SRGAP1: variants seen among roughly 807,000 people sequenced by gnomAD.
SRGAP1 encodes the protein SLIT-ROBO Rho GTPase activating protein 1.
Under a neutral mutation model 121.9 loss-of-function variants are expected in SRGAP1, and 43 were observed. The observed-to-expected ratio is 0.35, with a 90% confidence interval of 0.28 to 0.46. The LOEUF (loss-of-function observed/expected upper bound fraction) is 0.46, where lower values mean the gene tolerates loss of function less well. Among genes scored for constraint, SRGAP1 ranks in the 20% least tolerant of loss-of-function variants. The probability of loss-of-function intolerance (pLI) is 1.00; values close to 1 mark genes in which losing one functional copy is unlikely to be tolerated. For synonymous variants in SRGAP1, 447 were observed against 485.4 expected (o/e 0.92, Z 1.04); for missense variants, 1,102 against 1,350.9 (o/e 0.82, Z 2.89).
intron 4 of SRGAP1, among the ~76,000 whole-genome samples, chr12:64,019,573 A>G (rs2034494953): frequency 6.6e-6 from 1 of 152,166 alleles, no homozygotes; most frequent in South Asian, 2.1e-4. Flanking sequence ...GCACACACAC[A>G]CACACCCTCT....
intron 1 of SRGAP1, among the ~76,000 whole-genome samples, chr12:63,845,266 A>G (rs1157373474): frequency 6.6e-6 from 1 of 152,094 alleles, no homozygotes; most frequent in Admixed American, 6.6e-5. Context: ...TCACTACGTA[A>G]TTTTTTTACG....
chr12:63,929,442 T>C (rs1027700913), intron 1 of SRGAP1, among the ~76,000 whole-genome samples: 3 of 152,232 alleles, frequency 2.0e-5, no homozygotes, highest in East Asian at 1.9e-4. Context: ...AGTGCTCCTC[T>C]TTCTAGCTGC....
At chr12:63,896,502 A>G (rs1900758959) in intron 1 of SRGAP1, among the ~76,000 whole-genome samples, 1 of 152,176 alleles carries the variant, frequency 6.6e-6, no homozygotes, top group Non-Finnish European at 1.5e-5. Context: ...CAGGCAGGTA[A>G]TACACAGGCA....
At chr12:63,953,892 T>A (rs1212309866) in intron 1 of SRGAP1, among the ~76,000 whole-genome samples, 1 of 152,244 alleles carries the variant, frequency 6.6e-6, no homozygotes, top group Non-Finnish European at 1.5e-5. Context: ...ATCATTGGCT[T>A]ATTTCTGAGC....
chr12:63,987,258 T>G (rs1383552648), intron 2 of SRGAP1, among the ~76,000 whole-genome samples: 1 of 152,184 alleles, frequency 6.6e-6, no homozygotes, highest in Non-Finnish European at 1.5e-5. Flanking sequence ...TTACTCAGTT[T>G]TGGGACACTT....
At chr12:64,110,689 C>G (rs1434305185) in intron 16 of SRGAP1, among the ~76,000 whole-genome samples, 1 of 152,074 alleles carries the variant, frequency 6.6e-6, no homozygotes, top group Non-Finnish European at 1.5e-5. Flanking sequence ...TCTCCATTTT[C>G]AAGATGATCT....
At chr12:63,871,429 T>C (rs1038816237) in intron 1 of SRGAP1, among the ~76,000 whole-genome samples, 4 of 152,322 alleles carry the variant, frequency 2.6e-5, no homozygotes, top group Non-Finnish European at 5.9e-5. Flanking sequence ...CCTGCAAATC[T>C]GCATGTGCTT....
chr12:64,067,920 C>CA (rs909886290), intron 8 of SRGAP1, among the ~76,000 whole-genome samples: 232 of 131,336 alleles, frequency 1.8e-3, no homozygotes, highest in Middle Eastern at 4.0e-3. Flanking sequence ...CCCTGTCTCC[C>CA]AAAAAAAAAA....
chr12:64,004,764 A>T (rs1457547099), intron 3 of SRGAP1, among the ~76,000 whole-genome samples: 1 of 152,218 alleles, frequency 6.6e-6, no homozygotes, highest in Non-Finnish European at 1.5e-5. Flanking sequence ...AAAGACACTG[A>T]TGAGGAGAGA....
intron 4 of SRGAP1, chr12:64,032,592 C>A (rs2034804693): frequency 7.7e-6 from 5 of 648,742 alleles, no homozygotes; most frequent in Non-Finnish European, 1.3e-5. Context: ...TAAGTCCTGC[C>A]CCCGACAGCT....
intron 3 of SRGAP1, among the ~76,000 whole-genome samples, chr12:64,013,145 G>A (rs181131222): frequency 6.6e-6 from 1 of 152,278 alleles, no homozygotes; most frequent in African/African-American, 2.4e-5. Context: ...CACACCAAGT[G>A]CATTTTGGTT....
chr12:63,979,393 G>A (rs1565979442), intron 1 of SRGAP1, among the ~76,000 whole-genome samples: 1 of 151,646 alleles, frequency 6.6e-6, no homozygotes, highest in Non-Finnish European at 1.5e-5. Flanking sequence ...AGAGTTCTTT[G>A]TGTATTCTGT....
In SRGAP1 at chr12:64,048,076, A is replaced by G. The variant is rs567905640; in HGVS notation, c.801+4501A>G. 5.3e-5 allele frequency among the ~76,000 whole-genome samples: 8 copies of G among 152,292 alleles called. No homozygotes were observed. The East Asian group carries it at 1.3e-3, about 26-fold the overall frequency. ...AGTAATTTATTGTACACTTAAATGTAGTCACCCTATTGTGCTGAAAAATAC... is the reference window on the plus strand; with the variant it reads ...AGTAATTTATTGTACACTTAAATGTGGTCACCCTATTGTGCTGAAAAATAC... On this transcript the variant is annotated intron_variant, in intron 6 of 21. Transcript: ENST00000355086.
intron 4 of SRGAP1, among the ~76,000 whole-genome samples, chr12:64,035,057 A>AAAAAG (rs1565650123): frequency 4.0e-5 from 6 of 150,062 alleles, no homozygotes; most frequent in Non-Finnish European, 5.9e-5. Context: ...AAAAAAAAAA[A>AAAAAG]AAAAGAAAAG....
rs1200740864 is a variant in SRGAP1, at chr12:64,068,279, A to T, written c.1125+3060A>T. Among the ~76,000 whole-genome samples, 3 of 137,890 alleles carry T rather than the reference A, an allele frequency of 2.2e-5. No homozygotes were observed. In the East Asian group the frequency reaches 6.6e-4, roughly 30 times the overall value. The allele number at this position is 137,890 out of a possible 152,430, so 90.5% of individuals were successfully genotyped here. On this transcript the variant is annotated intron_variant, in intron 8 of 21. Transcript: ENST00000355086. ...CAGAGCAAAACTCTGTCTCAAAAAA[A>T]AAAAAAAAAAAAAAAAAGTAGTAGG...
chr12:63,956,665 G>A (rs781127091), intron 1 of SRGAP1, among the ~76,000 whole-genome samples: 3 of 149,256 alleles, frequency 2.0e-5, no homozygotes, highest in Non-Finnish European at 4.4e-5. Context: ...CAGGTTTTGA[G>A]CAGCCTCCTG....
At position 64,128,088 on chromosome 12, in the gene SRGAP1, G is replaced by A. The variant is rs377601761; in HGVS notation, c.2768G>A (p.Arg923Gln). The change falls in exon 21 of 22, where the codon CGG becomes CAG. Residue 923 changes from arginine to glutamine, a missense_variant. By Grantham distance (43) the Arg-to-Gln change is conservative. This residue lies in a region of SRGAP1 where 315 missense variants were observed against 343.1 expected (regional missense o/e 0.92). Coordinates refer to ENST00000355086, the MANE Select transcript of SRGAP1 (RefSeq NM_020762.4). ...CATGGCAGCCTGACCAACATCAGCC[G>A]GCACGACTCCCTCAAGAAGATCGAC... ...PGHGSLTNIS[R>Q]HDSLKKIDSP... 23 of 1,613,966 alleles carry A rather than the reference G, an allele frequency of 1.4e-5. No homozygotes were observed. Among genetic ancestry groups the A allele is most frequent in the East Asian group, 8.9e-5 (4 of 44,864 alleles).
At chr12:63,902,519 G>A (rs1171926892) in intron 1 of SRGAP1, among the ~76,000 whole-genome samples, 1 of 152,172 alleles carries the variant, frequency 6.6e-6, no homozygotes, top group Non-Finnish European at 1.5e-5. Flanking sequence ...CCATAATCAT[G>A]CTTTTACTGC....
chr12:64,100,403 A>G (rs578236679), intron 15 of SRGAP1, among the ~76,000 whole-genome samples: 136 of 152,340 alleles, frequency 8.9e-4, no homozygotes, highest in African/African-American at 3.2e-3. Context: ...GTAAACTACA[A>G]GGAAAAAATC....
Sources: allele counts gnomAD v4.1 joint callset (sites outside exome capture counted in the v4.1 genomes callset), GRCh38; gene constraint gnomAD v4.1.1; regional missense constraint gnomAD v4.1.1; transcripts MANE v1.5; gene names NCBI Gene and HGNC (gene_info 2026-07-23, HGNC 2026-07-21).